Variants in DMRT2 observed in about 807,000 individuals in gnomAD.
DMRT2 encodes doublesex- and mab-3-related transcription factor 2.
DMRT2 carries 33 observed loss-of-function variants against 43.5 expected under a neutral mutation model. The observed-to-expected ratio is 0.76, with a 90% CI of 0.58 to 1.01. The LOEUF (loss-of-function observed/expected upper bound fraction) is 1.01, where lower values mean the gene tolerates loss of function less well. Among genes scored for constraint, DMRT2 ranks in the 50% least tolerant of loss-of-function variants. DMRT2 has a pLI of 0.00. For missense variants in DMRT2, 1,064 were observed against 748.0 expected, an observed-to-expected ratio of 1.42 and a Z score of -4.93; for synonymous variants, 395 against 309.2, an observed-to-expected ratio of 1.28 and a Z score of -2.91.
rs541403055 is a variant in DMRT2 at position 1,051,856 on chromosome 9, G to C, written c.243G>C (p.Arg81=). ...SPGMPGQPEQ[R]GGPQPRPPLA... is the part of the protein sequence containing the mutation. ...GGATGCCCGGCCAGCCGGAGCAGCG[G>C]GGGGGACCGCAGCCGAGGCCGCCGC... is the stretch of plus-strand genomic sequence containing the variant. The change falls in exon 2 of 4, where the codon CGG becomes CGC. Residue 81 remains arginine (R), a synonymous_variant. Coordinates refer to ENST00000358146, the MANE Select transcript of DMRT2 (RefSeq NM_181872.6). This position sits in a 1 kb window ranked among gnomAD's most constrained non-coding sequence, Gnocchi z 5.9. 2.9e-6 allele frequency: 4 copies of C among 1,399,494 alleles called. No individual in the cohort carries two copies. Among genetic ancestry groups the C allele is most frequent in the Middle Eastern group, 2.5e-4 (1 of 4,024 alleles). The allele number at this position is 1,399,494 out of a possible 1,614,324, so 86.7% of individuals were successfully genotyped here. A position where few individuals can be genotyped will look rare whatever the true frequency, so the allele number is the denominator to read the frequency against.
Position 1,051,905 on chromosome 9 carries a change from G to T in DMRT2, c.292G>T (p.Gly98Cys). 1 of 1,362,244 alleles carries T rather than the reference G, an allele frequency of 7.3e-7. No individual in the cohort carries two copies. The highest frequency in any genetic ancestry group is 9.4e-7 in the Non-Finnish European group (1 of 1,068,024). 84.4% of individuals were successfully genotyped at this position (1,362,244 alleles called of 1,614,324 possible). The change falls in exon 2 of 4, where the codon GGC becomes TGC. Residue 98 changes from glycine to cysteine, a missense_variant. Coordinates refer to ENST00000358146, the MANE Select transcript of DMRT2 (RefSeq NM_181872.6). The surrounding 1 kb of genome is among the most constrained non-coding windows in gnomAD (Gnocchi z 5.9). Reference protein sequence around the residue: ...PPLAPQASPAGTGPRERCTPA... With the variant: ...PPLAPQASPACTGPRERCTPA... ...GCTCGCGCCTCAGGCCTCACCCGCC[G>T]GCACCGGTCCCCGAGAGCGCTGCAC...
In DMRT2 at chr9:1,053,836, A is replaced by G. The variant is rs1421857702; in HGVS notation, c.628+12A>G. 3.7e-6 allele frequency: 6 copies of G among 1,608,818 alleles called. No homozygotes were observed. The Admixed American group carries it at 6.7e-5, about 18-fold the overall frequency. On this transcript the variant is annotated intron_variant, in intron 3 of 3. Coordinates refer to ENST00000358146, the MANE Select transcript of DMRT2 (RefSeq NM_181872.6). ...AAGCATTTTAGAAGGTAAAGCAACAAAATTATCCTTCAGCCTTTTAAACAG... is the reference window on the plus strand; with the variant it reads ...AAGCATTTTAGAAGGTAAAGCAACAGAATTATCCTTCAGCCTTTTAAACAG...
chr9:1,053,203 G>C (rs1294012076), intron 2 of DMRT2: 1 of 152,532 alleles, frequency 6.6e-6, no homozygotes, highest in Admixed American at 6.5e-5. Context: ...CGCAAATTTG[G>C]AGTTTGCAGC....
Position 1,056,353 on chromosome 9 carries a change from G to A in DMRT2, c.766G>A (p.Glu256Lys). Residue 256 changes from glutamate to lysine, a missense_variant, in exon 4 of 4, where the codon GAA becomes AAA. By Grantham distance (56) the Glu-to-Lys change is moderately conservative. Transcript: ENST00000358146. Reference sequence around the variant, plus strand: ...CATTATGCTGGAGAGAGAATATAAAGAAAGGGAGATGTTGGAAACTTCTCA... The same window carrying A: ...CATTATGCTGGAGAGAGAATATAAAAAAAGGGAGATGTTGGAAACTTCTCA... ...ENIMLEREYK[E>K]REMLETSQAA... 2.5e-6 allele frequency: 4 copies of A among 1,614,216 alleles called. No individual in the cohort carries two copies. The highest frequency in any genetic ancestry group is 3.4e-6 in the Non-Finnish European group (4 of 1,180,048).
rs575076415 is a variant in DMRT2 at position 1,056,779 on chromosome 9, T to C, written c.1192T>C (p.Leu398=). The C allele has an allele frequency of 3.7e-6, 6 of 1,613,982 alleles. No individual in the cohort carries two copies. The highest frequency in any genetic ancestry group is 2.2e-5 in the South Asian group (2 of 91,074). Residue 398 remains leucine, a synonymous_variant, in exon 4 of 4, where the codon TTG becomes CTG. Transcript: ENST00000358146. ...AGAGCAGGACATGATGCCATCGAAA[T>C]TGGAAGGTTCCCTGGTGCTGCCTCA... ...SAEQDMMPSK[L]EGSLVLPHTP...
chr9:1,053,664 C>A (rs991975279), intron 2 of DMRT2, 58 bp from the exon 3 acceptor site: 2 of 1,432,434 alleles, frequency 1.4e-6, no homozygotes, highest in Non-Finnish European at 1.9e-6. Context: ...CCGTCCTTCC[C>A]CCTTCTCGCC....
Position 1,051,854 on chromosome 9 carries a change from C to T in DMRT2, c.241C>T (p.Arg81Trp). 1.4e-6 allele frequency: 2 copies of T among 1,398,328 alleles called. No homozygotes were observed. The highest frequency in any genetic ancestry group is 1.8e-6 in the Non-Finnish European group (2 of 1,087,170). The allele number at this position is 1,398,328 out of a possible 1,614,324, so 86.6% of individuals were successfully genotyped here. A position where few individuals can be genotyped will look rare whatever the true frequency, so the allele number is the denominator to read the frequency against. Residue 81 changes from arginine to tryptophan, a missense_variant, in exon 2 of 4, where the codon CGG becomes TGG. Transcript: ENST00000358146. The surrounding 1 kb of genome is among the most constrained non-coding windows in gnomAD (Gnocchi z 5.9). ...SPGMPGQPEQRGGPQPRPPLA... is the reference protein window; with the variant it reads ...SPGMPGQPEQWGGPQPRPPLA... ...CGGGATGCCCGGCCAGCCGGAGCAG[C>T]GGGGGGGACCGCAGCCGAGGCCGCC...
Position 1,051,444 on chromosome 9 carries a change from A to G in DMRT2, c.-44-126A>G, listed in dbSNP as rs76298888. The stretch of plus-strand genomic sequence containing the variant: ...GGCACGTGTGGCCTGGAAGTGAGGG[A>G]CATGTAATGAGAACAGGATGACTCA... On this transcript the variant is annotated intron_variant, in intron 1 of 3. Coordinates refer to ENST00000358146, the MANE Select transcript of DMRT2 (RefSeq NM_181872.6). The surrounding 1 kb of genome is among the most constrained non-coding windows in gnomAD (Gnocchi z 5.9). 1,308 of 1,110,046 alleles carry G rather than the reference A, an allele frequency of 1.2e-3. 13 individuals are homozygous for G. In the African/African-American group the frequency reaches 0.02, roughly 17 times the overall value. The allele number at this position is 1,110,046 out of a possible 1,614,324, so 68.8% of individuals were successfully genotyped here. A position where few individuals can be genotyped will look rare whatever the true frequency, so the allele number is the denominator to read the frequency against.
In DMRT2 at chr9:1,053,752, A is replaced by C. The variant is rs895516864; in HGVS notation, c.556A>C (p.Asn186His). The C allele has an allele frequency of 1.2e-6, 2 of 1,613,944 alleles. No individual in the cohort carries two copies. The highest frequency in any genetic ancestry group is 2.7e-5 in the African/African-American group (2 of 74,902). ...GAAGGGGCTTTCCGGGAAACAGAAT[A>C]ATTTCGAGCGCAAAGCTGTGTACCA... The part of the protein sequence containing the change: ...DKKGLSGKQN[N>H]FERKAVYQRQ... Residue 186 changes from asparagine (N) to histidine (H), a missense_variant, in exon 3 of 4, where the codon AAT becomes CAT. Asn to His is a moderately conservative substitution (Grantham distance 68). Transcript: ENST00000358146.
chr9:1,053,973 C>A (rs1821794231), intron 3 of DMRT2, 149 bp downstream of exon 3: 2 of 615,192 alleles, frequency 3.3e-6, no homozygotes, highest in Non-Finnish European at 2.7e-6. Context: ...GTTCGCTGAG[C>A]CCGTACGCTA....
In DMRT2 at chr9:1,055,740, A is replaced by G. The variant is rs751953407; in HGVS notation, c.629-476A>G. 12 of 1,500,378 alleles carry G rather than the reference A, an allele frequency of 8.0e-6. No homozygotes were observed. In the Admixed American group the frequency reaches 8.7e-5, roughly 11 times the overall value. 92.9% of individuals were successfully genotyped at this position (1,500,378 alleles called of 1,614,324 possible). On this transcript the variant is annotated intron_variant, in intron 3 of 3. Transcript: ENST00000358146. ...TTCCTAGTTCTCCTTGGATTATTCT[A>G]CAGCTATTATGTGTACATAATGAAC...
Position 1,056,728 on chromosome 9 carries a change from G to C in DMRT2, c.1141G>C (p.Ala381Pro), listed in dbSNP as rs3824419. 0.34 allele frequency: 553,737 copies of C among 1,613,718 alleles called. 97,711 individuals are homozygous for C. Among genetic ancestry groups the C allele is most frequent in the East Asian group, 0.48 (21,397 of 44,830 alleles). Reference sequence around the variant, plus strand: ...TGGGGCCAGCTGGGACTTGAAGGGAGCACGAGTCCAGGATGGACTCAGTGC... The same window carrying C: ...TGGGGCCAGCTGGGACTTGAAGGGACCACGAGTCCAGGATGGACTCAGTGC... ...KPGASWDLKG[A>P]RVQDGLSAEQ... The change falls in exon 4 of 4, where the codon GCA becomes CCA. Residue 381 changes from alanine (A) to proline (P), a missense_variant. Transcript: ENST00000358146.
Position 1,051,410 on chromosome 9 carries a change from T to C in DMRT2, c.-44-160T>C, listed in dbSNP as rs1032758727. Among the ~76,000 whole-genome samples, 3 of 152,102 alleles carry C rather than the reference T, an allele frequency of 2.0e-5. No individual in the cohort carries two copies. The highest frequency in any genetic ancestry group is 6.5e-5 in the Admixed American group (1 of 15,278). On this transcript the variant is annotated intron_variant, in intron 1 of 3. Coordinates refer to ENST00000358146, the MANE Select transcript of DMRT2 (RefSeq NM_181872.6). The surrounding 1 kb of genome is among the most constrained non-coding windows in gnomAD (Gnocchi z 5.9). ...TGTGGATCCCTGGGGGCCCTGGAGA[T>C]ACAGGAAAGGCACGTGTGGCCTGGA...
intron 3 of DMRT2, chr9:1,055,865 A>C: frequency 6.6e-7 from 1 of 1,519,828 alleles, no homozygotes; most frequent in Non-Finnish European, 8.7e-7. Context: ...TGATTGATAC[A>C]AGATAAATAG....
rs768835523 is a variant in DMRT2 at position 1,051,821 on chromosome 9, G to T, written c.208G>T (p.Ala70Ser). Residue 70 changes from alanine to serine, a missense_variant, in exon 2 of 4, where the codon GCG (alanine) becomes TCG (serine). Ala to Ser is a moderately conservative substitution (Grantham distance 99, BLOSUM62 1). Transcript: ENST00000358146. The surrounding 1 kb of genome is among the most constrained non-coding windows in gnomAD (Gnocchi z 5.9). ...EEEGDGEEAG[A>S]SPGMPGQPEQ... ...AGAGGGCGACGGCGAGGAGGCAGGC[G>T]CGTCCCCCGGGATGCCCGGCCAGCC... The T allele has an allele frequency of 6.8e-7, 1 of 1,462,712 alleles. No homozygotes were observed. Among genetic ancestry groups the T allele is most frequent in the South Asian group, 1.4e-5 (1 of 72,460 alleles). 90.6% of individuals were successfully genotyped at this position (1,462,712 alleles called of 1,614,324 possible).
chr9:1,053,957 T>G, intron 3 of DMRT2, 133 bp downstream of exon 3: 2 of 713,364 alleles, frequency 2.8e-6, no homozygotes, highest in South Asian at 4.9e-5. Context: ...AAGGTTTTGT[T>G]TAGGTGTTCG....
Position 1,056,443 on chromosome 9 carries a change from G to T in DMRT2, c.856G>T (p.Ala286Ser), listed in dbSNP as rs749118381. ...PGPDYNSYKS[A>S]YSPSPVEPPS... ...ACCTGACTACAATTCCTACAAAAGTGCCTACAGCCCCAGCCCAGTGGAACC... is the reference window on the plus strand; with the variant it reads ...ACCTGACTACAATTCCTACAAAAGTTCCTACAGCCCCAGCCCAGTGGAACC... The change falls in exon 4 of 4, where the codon GCC becomes TCC. Residue 286 changes from alanine (A) to serine (S), a missense_variant. Transcript: ENST00000358146. 1.2e-6 allele frequency: 2 copies of T among 1,614,048 alleles called. No individual in the cohort carries two copies. The highest frequency in any genetic ancestry group is 1.7e-6 in the Non-Finnish European group (2 of 1,180,040).
Position 1,051,861 on chromosome 9 carries a change from G to T in DMRT2, c.248G>T (p.Gly83Val), listed in dbSNP as rs530416855. The change falls in exon 2 of 4, where the codon GGA (glycine) becomes GTA (valine). Residue 83 changes from glycine (G) to valine (V), a missense_variant. Coordinates refer to ENST00000358146, the MANE Select transcript of DMRT2 (RefSeq NM_181872.6). This position sits in a 1 kb window ranked among gnomAD's most constrained non-coding sequence, Gnocchi z 5.9. ...GMPGQPEQRG[G>V]PQPRPPLAPQ... ...CCCGGCCAGCCGGAGCAGCGGGGGG[G>T]ACCGCAGCCGAGGCCGCCGCTCGCG... 5 of 1,389,040 alleles carry T rather than the reference G, an allele frequency of 3.6e-6. No individual in the cohort carries two copies. The African/African-American group carries it at 4.6e-5, about 13-fold the overall frequency. 86.0% of individuals were successfully genotyped at this position (1,389,040 alleles called of 1,614,324 possible). A position where few individuals can be genotyped will look rare whatever the true frequency, so the allele number is the denominator to read the frequency against.
chr9:1,055,878 T>A (rs1000556180), intron 3 of DMRT2: 2 of 1,509,690 alleles, frequency 1.3e-6, no homozygotes, highest in African/African-American at 2.9e-5. Context: ...ATAAATAGTC[T>A]TGTCTCTTAA....
Sources: allele counts gnomAD v4.1 joint callset (sites outside exome capture counted in the v4.1 genomes callset), GRCh38; gene constraint gnomAD v4.1.1; non-coding constraint Gnocchi (gnomAD v3.1); transcripts MANE v1.5; gene names NCBI Gene and HGNC (gene_info 2026-07-23, HGNC 2026-07-21).